NKAIN3: variants seen among roughly 807,000 people sequenced by gnomAD.
NKAIN3 encodes sodium/potassium transporting ATPase interacting 3.
NKAIN3 carries 25 observed loss-of-function variants against 30.2 expected under a neutral mutation model. That is an observed-to-expected ratio of 0.83 (90% confidence interval 0.60 to 1.16). The LOEUF (loss-of-function observed/expected upper bound fraction) is 1.16. NKAIN3 is among the 50% of genes most tolerant of loss of function. The pLI, the probability that NKAIN3 is intolerant of heterozygous loss-of-function variation, is 0.00. For missense variants in NKAIN3, 225 were observed against 254.1 expected, an observed-to-expected ratio of 0.89 and a Z score of 0.78; for synonymous variants, 91 against 89.6, an observed-to-expected ratio of 1.02 and a Z score of -0.09.
chr8:62,959,768 G>A (rs1474317172), intron 6 of NKAIN3, among the ~76,000 whole-genome samples: 6 of 152,168 alleles, frequency 3.9e-5, no homozygotes, highest in South Asian at 2.1e-4. Context: ...TAAGGGTGGA[G>A]CCCCGTTCCC....
At position 62,973,006 on chromosome 8, in the gene NKAIN3, AT is replaced by A. The variant is rs1379680990; in HGVS notation, c.*7605del. 6.6e-6 allele frequency among the ~76,000 whole-genome samples: 1 copy of A among 151,698 alleles called. No individual in the cohort carries two copies. Among genetic ancestry groups the A allele is most frequent in the Non-Finnish European group, 1.5e-5 (1 of 67,868 alleles). On this transcript the variant is annotated 3_prime_UTR_variant, in exon 7 of 7. Transcript: ENST00000623646. Reference sequence around the variant, plus strand: ...ATGTCCCTGCAAAGGACATTAACTCATTTTTTATGGCTGCATAGTATTCCAT... The same window carrying A: ...ATGTCCCTGCAAAGGACATTAACTCATTTTTATGGCTGCATAGTATTCCAT...
chr8:62,729,416 T>C (rs985973391), intron 3 of NKAIN3, among the ~76,000 whole-genome samples: 1 of 152,182 alleles, frequency 6.6e-6, no homozygotes, highest in Non-Finnish European at 1.5e-5. Context: ...AATTCAATAC[T>C]GGGTGTAACG....
intron 1 of NKAIN3, among the ~76,000 whole-genome samples, chr8:62,462,338 G>A (rs1220373171): frequency 6.6e-6 from 1 of 152,118 alleles, no homozygotes; most frequent in East Asian, 1.9e-4. Flanking sequence ...AGGTCAAGCA[G>A]TACTGAAGTC....
At chr8:62,962,712 C>T (rs767522585) in intron 6 of NKAIN3, among the ~76,000 whole-genome samples, 15 of 152,026 alleles carry the variant, frequency 9.9e-5, no homozygotes, top group African/African-American at 2.2e-4. Flanking sequence ...GAGTTAGAGA[C>T]GCATGGAGAT....
At chr8:62,665,267 A>C (rs141410116) in intron 3 of NKAIN3, among the ~76,000 whole-genome samples, 1 of 152,306 alleles carries the variant, frequency 6.6e-6, no homozygotes, top group African/African-American at 2.4e-5. Flanking sequence ...ACTCTTGGTC[A>C]AATTTCCCTT....
Position 62,488,367 on chromosome 8 carries a change from A to G in NKAIN3, c.55-91172A>G, listed in dbSNP as rs1806966195. 2.6e-5 allele frequency among the ~76,000 whole-genome samples: 4 copies of G among 152,164 alleles called. No homozygotes were observed. The South Asian group carries it at 8.3e-4, about 32-fold the overall frequency. On this transcript the variant is annotated intron_variant, in intron 1 of 6. Coordinates refer to ENST00000623646, the MANE Select transcript of NKAIN3 (RefSeq NM_001304533.3). ...TCTGGCCTATCCATCAAGGATCTCC[A>G]TGACTTCTTAGCACCACTGTGCCTC...
intron 3 of NKAIN3, among the ~76,000 whole-genome samples, chr8:62,709,345 G>T (rs1814642204): frequency 6.6e-6 from 1 of 152,030 alleles, no homozygotes; most frequent in South Asian, 2.1e-4. Context: ...GAATCCATCT[G>T]GTCCTGGACT....
At chr8:62,603,695 A>C (rs1349998871) in intron 3 of NKAIN3, among the ~76,000 whole-genome samples, 2 of 152,186 alleles carry the variant, frequency 1.3e-5, no homozygotes, top group Non-Finnish European at 2.9e-5. Context: ...CCCTGGAAGC[A>C]TCTGTGCATC....
chr8:62,613,662 T>A (rs562996461), intron 3 of NKAIN3, among the ~76,000 whole-genome samples: 1 of 152,238 alleles, frequency 6.6e-6, no homozygotes, highest in East Asian at 1.9e-4. Context: ...AGATTTTCCC[T>A]TTTGAGGCCA....
chr8:62,840,867 G>T (rs1471831254), intron 4 of NKAIN3, among the ~76,000 whole-genome samples: 1 of 152,094 alleles, frequency 6.6e-6, no homozygotes, highest in Non-Finnish European at 1.5e-5. Flanking sequence ...TTCATGCACA[G>T]GTATGAACAG....
chr8:62,723,459 C>A (rs1288641974), intron 3 of NKAIN3, among the ~76,000 whole-genome samples: 6 of 152,064 alleles, frequency 3.9e-5, no homozygotes, highest in Non-Finnish European at 8.8e-5. Flanking sequence ...TCTTAAAATC[C>A]TAATTAGCAT....
chr8:62,907,271 G>T (rs1204461064), intron 4 of NKAIN3, among the ~76,000 whole-genome samples: 5 of 152,122 alleles, frequency 3.3e-5, no homozygotes, highest in Non-Finnish European at 5.9e-5. Context: ...GTGCTGCTAA[G>T]TATTAATATA....
At chr8:62,903,245 T>C (rs1445532483) in intron 4 of NKAIN3, among the ~76,000 whole-genome samples, 1 of 152,070 alleles carries the variant, frequency 6.6e-6, no homozygotes, top group Non-Finnish European at 1.5e-5. Flanking sequence ...CTTAGAAGAG[T>C]GAACCAAATT....
intron 3 of NKAIN3, among the ~76,000 whole-genome samples, chr8:62,662,662 T>C (rs985922829): frequency 6.6e-6 from 1 of 152,210 alleles, no homozygotes; most frequent in African/African-American, 2.4e-5. Flanking sequence ...TTATAGCACA[T>C]ACAATCTAGT....
chr8:62,645,272 A>C (rs892869293), intron 3 of NKAIN3, among the ~76,000 whole-genome samples: 2 of 152,178 alleles, frequency 1.3e-5, no homozygotes, highest in Non-Finnish European at 2.9e-5. Flanking sequence ...AAGCTATTGC[A>C]TGTTTATACT....
chr8:62,419,459 C>G (rs1056752146), intron 1 of NKAIN3, among the ~76,000 whole-genome samples: 37 of 152,280 alleles, frequency 2.4e-4, no homozygotes, highest in African/African-American at 8.2e-4. Flanking sequence ...GAAATCACAG[C>G]TCTCCAGGTT....
At chr8:62,319,840 T>G (rs988573579) in intron 1 of NKAIN3, among the ~76,000 whole-genome samples, 1 of 152,216 alleles carries the variant, frequency 6.6e-6, no homozygotes, top group Non-Finnish European at 1.5e-5. Flanking sequence ...TGTAGATGTC[T>G]ATTAGGTCTG....
At chr8:62,485,580 T>C (rs1806873314) in intron 1 of NKAIN3, among the ~76,000 whole-genome samples, 1 of 152,210 alleles carries the variant, frequency 6.6e-6, no homozygotes, top group Non-Finnish European at 1.5e-5. Flanking sequence ...GTTTGGACTT[T>C]ATTCTATAAG....
At chr8:62,300,118 C>T (rs1813993180) in intron 1 of NKAIN3, among the ~76,000 whole-genome samples, 1 of 151,882 alleles carries the variant, frequency 6.6e-6, no homozygotes, top group Admixed American at 6.6e-5. Context: ...CATTTGTATC[C>T]TTAGCTGCAT....
Sources: gnomAD v4.1 joint callset for allele counts (sites outside exome capture counted in the v4.1 genomes callset) on GRCh38, gnomAD v4.1.1 for gene constraint, MANE v1.5 for transcripts, NCBI Gene and HGNC (gene_info 2026-07-23, HGNC 2026-07-21) for gene names.